The following R3HDML variants were observed in gnomAD, a reference collection of about 807,000 sequenced individuals.
R3HDML encodes R3H domain containing like.
R3HDML carries 21 observed loss-of-function variants against 24.2 expected under a neutral mutation model. That is an observed-to-expected ratio of 0.87 (90% confidence interval 0.62 to 1.25). The LOEUF is 1.25. Among genes scored for constraint, R3HDML ranks in the 50% most tolerant of loss-of-function variants. The pLI is 0.00. For missense variants in R3HDML, 301 were observed against 340.3 expected (o/e 0.88, Z 0.91); for synonymous variants, 133 against 131.5 (o/e 1.01, Z -0.08).
At chr20:44,345,529 C>T in intron 4 of R3HDML, 151 bp downstream of exon 4, 5 of 599,684 alleles carry the variant, frequency 8.3e-6, no homozygotes, top group Non-Finnish European at 1.4e-5. Flanking sequence ...TAAGGCCGAG[C>T]ATGGTGGCTC....
At chr20:44,348,515 C>CTTTCCTTTCT (rs1344926833) in intron 4 of R3HDML, among the ~76,000 whole-genome samples, 6 of 113,342 alleles carry the variant, frequency 5.3e-5, no homozygotes, top group Middle Eastern at 4.5e-3. Flanking sequence ...CTTTCCTTTC[C>CTTTCCTTTCT]TTTCTTTTCT....
chr20:44,343,154 C>T (rs773127683), intron 2 of R3HDML, among the ~76,000 whole-genome samples: 3 of 152,152 alleles, frequency 2.0e-5, no homozygotes, highest in East Asian at 1.9e-4. Flanking sequence ...AACAGTAACA[C>T]GTATCCTTTT....
intron 4 of R3HDML, among the ~76,000 whole-genome samples, chr20:44,349,269 G>A (rs916447539): frequency 2.0e-5 from 3 of 152,042 alleles, no homozygotes; most frequent in African/African-American, 4.8e-5. Context: ...AAACTCTTGG[G>A]CATGGGAAAT....
intron 4 of R3HDML, among the ~76,000 whole-genome samples, chr20:44,349,146 T>TAAATA (rs202024132): frequency 0.12 from 17,364 of 145,776 alleles, 1,155 homozygotes; most frequent in Middle Eastern, 0.15. Context: ...TAAAATAAAA[T>TAAATA]AAATAAAATA....
At chr20:44,345,009 T>C in intron 3 of R3HDML, 1 of 492,102 alleles carries the variant, frequency 2.0e-6, no homozygotes, top group East Asian at 3.8e-5. Flanking sequence ...CTTGTTCAAA[T>C]TGTGTGTATG....
chr20:44,350,840 G>A lies in R3HDML; in HGVS notation c.*48G>A, dbSNP rs2062809274. On this transcript the variant is annotated 3_prime_UTR_variant, in exon 5 of 5. Coordinates refer to ENST00000217043, the MANE Select transcript of R3HDML (RefSeq NM_178491.4). ...CCTCCAGCTGGGCCTGACCCTCCAT[G>A]TCCTGCCCTCAAAAAACTGGGTGGA... is the stretch of plus-strand genomic sequence containing the variant. 2 of 1,596,108 alleles carry A rather than the reference G, an allele frequency of 1.3e-6. No individual in the cohort carries two copies. The highest frequency in any genetic ancestry group is 1.7e-6 in the Non-Finnish European group (2 of 1,173,194).
chr20:44,342,671 G>A (rs1469397560), intron 2 of R3HDML, among the ~76,000 whole-genome samples: 1 of 152,082 alleles, frequency 6.6e-6, no homozygotes, highest in Non-Finnish European at 1.5e-5. Flanking sequence ...GCCCTCAGAG[G>A]CCGGGTGCGG....
intron 3 of R3HDML, among the ~76,000 whole-genome samples, chr20:44,344,124 A>G (rs901610829): frequency 2.6e-5 from 4 of 152,108 alleles, no homozygotes; most frequent in African/African-American, 9.7e-5. Context: ...TACTGAAAAT[A>G]CAAAAAATTA....
At chr20:44,340,424 T>C (rs1201548312) in intron 1 of R3HDML, among the ~76,000 whole-genome samples, 1 of 152,200 alleles carries the variant, frequency 6.6e-6, no homozygotes, top group African/African-American at 2.4e-5. Flanking sequence ...ATGCATATTT[T>C]CACGATTTAA....
intron 1 of R3HDML, among the ~76,000 whole-genome samples, chr20:44,338,906 T>C (rs2062764780): frequency 6.6e-6 from 1 of 151,916 alleles, no homozygotes; most frequent in African/African-American, 2.4e-5. Flanking sequence ...ACCCAGTCTG[T>C]ACTAAAAATA....
rs2062761171 is a variant in R3HDML, at chr20:44,337,503, C to T, written c.261+85C>T. On this transcript the variant is annotated intron_variant, in intron 1 of 4. Coordinates refer to ENST00000217043, the MANE Select transcript of R3HDML (RefSeq NM_178491.4). This position sits in a 1 kb window ranked among gnomAD's most constrained non-coding sequence, Gnocchi z 4.7. ...ACTCATCTTGGCCTAGAATGACTGG[C>T]TTTGAAGAGCTGGACCACTTGCCTG... 6.9e-7 allele frequency: 1 copy of T among 1,452,442 alleles called. No homozygotes were observed. Among genetic ancestry groups the T allele is most frequent in the Non-Finnish European group, 9.4e-7 (1 of 1,059,464 alleles). 90.0% of individuals were successfully genotyped at this position (1,452,442 alleles called of 1,614,324 possible).
At position 44,350,783 on chromosome 20, in the gene R3HDML, G is replaced by A. The variant is rs151220021; in HGVS notation, c.753G>A (p.Thr251=). Residue 251 remains threonine (T), a synonymous_variant, in exon 5 of 5, where the codon ACG becomes ACA. Transcript: ENST00000217043. ...CFKGLKSNKF[T]WF ...AGGGGCTGAAATCCAACAAGTTCAC[G>A]TGGTTCTGAATTTTCTCTGGGCTTT... is the stretch of plus-strand genomic sequence containing the variant. 134 of 1,613,716 alleles carry A rather than the reference G, an allele frequency of 8.3e-5. No homozygotes were observed. The highest frequency in any genetic ancestry group is 9.4e-5 in the Non-Finnish European group (111 of 1,179,878).
At chr20:44,346,530 A>G (rs6513926) in intron 4 of R3HDML, among the ~76,000 whole-genome samples, 18,070 of 152,286 alleles carry the variant, frequency 0.12, 1,204 homozygotes, top group Middle Eastern at 0.17. Context: ...TACATCTGCC[A>G]ATACACCAGC....
chr20:44,350,510 A>AAATG (rs969548261), intron 4 of R3HDML, 150 bp from the exon 5 acceptor site: 1 of 593,326 alleles, frequency 1.7e-6, no homozygotes, highest in African/African-American at 2.0e-5. Flanking sequence ...ATAAATAAAT[A>AAATG]AAGGAAAGAA....
chr20:44,349,796 G>A (rs1364219390), intron 4 of R3HDML, among the ~76,000 whole-genome samples: 2 of 152,156 alleles, frequency 1.3e-5, no homozygotes, highest in African/African-American at 2.4e-5. Context: ...AAGGCTGGGC[G>A]CGGTGGCTCA....
chr20:44,337,044 T>G lies in R3HDML; in HGVS notation c.-114T>G. On this transcript the variant is annotated 5_prime_UTR_variant, in exon 1 of 5. Coordinates refer to ENST00000217043, the MANE Select transcript of R3HDML (RefSeq NM_178491.4). The surrounding 1 kb of genome is among the most constrained non-coding windows in gnomAD (Gnocchi z 4.7). The stretch of plus-strand genomic sequence containing the variant: ...TTTGCCAAGTTCCCAGGAGGCAGCA[T>G]CCTCTGGGTCGGCACTGTTGGAGAA... 7.5e-7 allele frequency: 1 copy of G among 1,327,234 alleles called. No homozygotes were observed. The highest frequency in any genetic ancestry group is 1.0e-6 in the Non-Finnish European group (1 of 980,846). 82.2% of individuals were successfully genotyped at this position (1,327,234 alleles called of 1,614,324 possible). A position where few individuals can be genotyped will look rare whatever the true frequency, so the allele number is the denominator to read the frequency against.
Position 44,337,045 on chromosome 20 carries a change from C to T in R3HDML, c.-113C>T. 1 of 1,344,234 alleles carries T rather than the reference C, an allele frequency of 7.4e-7. No individual in the cohort carries two copies. The highest frequency in any genetic ancestry group is 1.0e-6 in the Non-Finnish European group (1 of 995,144). The allele number at this position is 1,344,234 out of a possible 1,614,324, so 83.3% of individuals were successfully genotyped here. ...TTGCCAAGTTCCCAGGAGGCAGCAT[C>T]CTCTGGGTCGGCACTGTTGGAGAAC... On this transcript the variant is annotated 5_prime_UTR_variant, in exon 1 of 5. Coordinates refer to ENST00000217043, the MANE Select transcript of R3HDML (RefSeq NM_178491.4). This position sits in a 1 kb window ranked among gnomAD's most constrained non-coding sequence, Gnocchi z 4.7.
intron 2 of R3HDML, among the ~76,000 whole-genome samples, chr20:44,341,594 G>T (rs1370209276): frequency 6.6e-6 from 1 of 152,154 alleles, no homozygotes. Context: ...TAAGAAAATA[G>T]GATAAGGGGG....
rs2062760062 is a variant in R3HDML, at chr20:44,337,285, T to C, written c.128T>C (p.Leu43Pro). The change falls in exon 1 of 5, where the codon CTC (leucine) becomes CCC (proline). Residue 43 changes from leucine (L) to proline (P), a missense_variant. By Grantham distance (98) the Leu-to-Pro change is moderately conservative. Transcript: ENST00000217043. The surrounding 1 kb of genome is among the most constrained non-coding windows in gnomAD (Gnocchi z 4.7). ...CAGCCCGAGAGCACGGCTATGCGGC[T>C]CCTGAGTGGCCTGGAGGTGCCCAGG... ...PAQPESTAMR[L>P]LSGLEVPRYR... is the part of the protein sequence containing the mutation. 6.2e-7 allele frequency: 1 copy of C among 1,614,020 alleles called. No individual in the cohort carries two copies. Among genetic ancestry groups the C allele is most frequent in the South Asian group, 1.1e-5 (1 of 91,082 alleles).
Sources: allele counts gnomAD v4.1 joint callset (sites outside exome capture counted in the v4.1 genomes callset), GRCh38; gene constraint gnomAD v4.1.1; non-coding constraint Gnocchi (gnomAD v3.1); transcripts MANE v1.5; gene names NCBI Gene and HGNC (gene_info 2026-07-23, HGNC 2026-07-21).